Variants in NDUFA12 observed in about 807,000 individuals in gnomAD.
NDUFA12 encodes NADH:ubiquinone oxidoreductase subunit A12.
A neutral mutation model predicts 20.3 loss-of-function variants in NDUFA12; 17 were observed. The ratio of observed to expected loss-of-function variants is 0.84; its 90% CI spans 0.57 to 1.26. The LOEUF (loss-of-function observed/expected upper bound fraction) is 1.26, where lower values mean the gene tolerates loss of function less well. NDUFA12 is among the 50% of genes most tolerant of loss of function. The pLI, the probability that NDUFA12 is intolerant of heterozygous loss-of-function variation, is 0.00. For missense variants in NDUFA12, 191 were observed against 183.7 expected (o/e 1.04, Z -0.23); for synonymous variants, 72 against 63.6 (o/e 1.13, Z -0.63).
In NDUFA12 at chr12:94,975,532, G is replaced by A. The variant is rs939083377; in HGVS notation, c.258-3912C>T. ...TAAATTGGTATAGCCCTTCTAGAGG[G>A]CAATTTGGCAGCAGGTATCAAAAAC... On this transcript the variant is annotated intron_variant, in intron 3 of 3. Coordinates refer to ENST00000327772, the MANE Select transcript of NDUFA12 (RefSeq NM_018838.5). 5.9e-5 allele frequency among the ~76,000 whole-genome samples: 9 copies of A among 152,232 alleles called. No individual in the cohort carries two copies. In the South Asian group the frequency reaches 6.2e-4, roughly 11 times the overall value.
At chr12:94,991,640 T>C (rs567471665) in intron 3 of NDUFA12, among the ~76,000 whole-genome samples, 2 of 150,260 alleles carry the variant, frequency 1.3e-5, no homozygotes, top group Non-Finnish European at 3.0e-5. Context: ...GGCGGGAGAA[T>C]TGCTTGAACC....
chr12:94,989,006 A>C (rs1874545106), intron 3 of NDUFA12, among the ~76,000 whole-genome samples: 1 of 152,218 alleles, frequency 6.6e-6, no homozygotes. Flanking sequence ...CAAACTGGCC[A>C]TACTGCTGTT....
Position 94,994,154 on chromosome 12 carries a change from T to C in NDUFA12, c.257+16A>G, listed in dbSNP as rs751657986. ...AGAAAAAAAAGAAAGACAAATAAAA[T>C]GTTGTCTTAGCTTACCATTCAGGAG... On this transcript the variant is annotated intron_variant, in intron 3 of 3. Coordinates refer to ENST00000327772, the MANE Select transcript of NDUFA12 (RefSeq NM_018838.5). 1.2e-6 allele frequency: 2 copies of C among 1,607,036 alleles called. No homozygotes were observed. Among genetic ancestry groups the C allele is most frequent in the Non-Finnish European group, 1.7e-6 (2 of 1,173,806 alleles).
At chr12:94,993,490 T>C (rs1226687611) in intron 3 of NDUFA12, among the ~76,000 whole-genome samples, 1 of 148,968 alleles carries the variant, frequency 6.7e-6, no homozygotes, top group Non-Finnish European at 1.5e-5. Context: ...CCAGGCGTGG[T>C]AGCATGAGCC....
chr12:94,980,293 C>T (rs140339521), intron 3 of NDUFA12, among the ~76,000 whole-genome samples: 79 of 152,250 alleles, frequency 5.2e-4, no homozygotes, highest in African/African-American at 1.7e-3. Flanking sequence ...CCTACCAACC[C>T]GCCCTTCTAC....
At chr12:94,985,231 G>A (rs1874386112) in intron 3 of NDUFA12, among the ~76,000 whole-genome samples, 1 of 151,630 alleles carries the variant, frequency 6.6e-6, no homozygotes, top group South Asian at 2.1e-4. Flanking sequence ...AGGCTGAGGT[G>A]GAAGGATTGC....
At chr12:94,973,711 G>T (rs2136057390) in intron 3 of NDUFA12, among the ~76,000 whole-genome samples, 1 of 152,154 alleles carries the variant, frequency 6.6e-6, no homozygotes, top group East Asian at 1.9e-4. Flanking sequence ...AAAAGGAAAA[G>T]ATAATTTTTA....
At position 94,979,693 on chromosome 12, in the gene NDUFA12, G is replaced by T. The variant is rs11107834; in HGVS notation, c.258-8073C>A. Among the ~76,000 whole-genome samples the T allele has an allele frequency of 3.6e-3, 542 of 152,034 alleles. 11 individuals are homozygous for T. In the East Asian group the frequency reaches 0.068, roughly 19 times the overall value. Reference sequence around the variant, plus strand: ...AAAAAAAAAAATACAAAAATTAGCTGGGTGTGGTCATGGGACCTGTAATCC... The same window carrying T: ...AAAAAAAAAAATACAAAAATTAGCTTGGTGTGGTCATGGGACCTGTAATCC... On this transcript the variant is annotated intron_variant, in intron 3 of 3. Coordinates refer to ENST00000327772, the MANE Select transcript of NDUFA12 (RefSeq NM_018838.5).
At chr12:94,985,947 T>TA (rs1874421688) in intron 3 of NDUFA12, among the ~76,000 whole-genome samples, 1 of 151,932 alleles carries the variant, frequency 6.6e-6, no homozygotes, top group African/African-American at 2.4e-5. Flanking sequence ...TAGCTGGGCA[T>TA]GGTGGTGTGC....
At chr12:94,996,718 C>G (rs1250873892) in intron 2 of NDUFA12, among the ~76,000 whole-genome samples, 1 of 151,346 alleles carries the variant, frequency 6.6e-6, no homozygotes, top group Non-Finnish European at 1.5e-5. Flanking sequence ...ACTCAGGAGG[C>G]TGAGGCAGGA....
intron 3 of NDUFA12, among the ~76,000 whole-genome samples, chr12:94,985,517 C>G (rs1045828010): frequency 6.6e-6 from 1 of 150,522 alleles, no homozygotes. Flanking sequence ...GTCCCAGCTA[C>G]TCAGGAGGCT....
At position 94,991,370 on chromosome 12, in the gene NDUFA12, G is replaced by C. The variant is rs150768041; in HGVS notation, c.257+2800C>G. On this transcript the variant is annotated intron_variant, in intron 3 of 3. Coordinates refer to ENST00000327772, the MANE Select transcript of NDUFA12 (RefSeq NM_018838.5). Reference sequence around the variant, plus strand: ...GCAGATAAAGAACACTTCCGTCATTGTGAAAAGTTCTGCTAGATAATGCTG... The same window carrying C: ...GCAGATAAAGAACACTTCCGTCATTCTGAAAAGTTCTGCTAGATAATGCTG... 1.1e-3 allele frequency among the ~76,000 whole-genome samples: 172 copies of C among 152,158 alleles called. 3 individuals carry two copies. The East Asian group carries it at 0.031, about 27-fold the overall frequency.
chr12:95,002,688 T>C (rs2136074853), intron 2 of NDUFA12, 51 bp downstream of exon 2: 6 of 1,372,734 alleles, frequency 4.4e-6, no homozygotes, highest in Non-Finnish European at 6.2e-6. Flanking sequence ...TAGACTCAAA[T>C]CAAATCCCAA....
At chr12:95,002,249 G>A (rs1055082818) in intron 2 of NDUFA12, among the ~76,000 whole-genome samples, 1 of 150,782 alleles carries the variant, frequency 6.6e-6, no homozygotes, top group African/African-American at 2.4e-5. Flanking sequence ...AGACCAGCCT[G>A]GCCAATATGG....
intron 3 of NDUFA12, among the ~76,000 whole-genome samples, chr12:94,978,395 G>A (rs1228224071): frequency 6.6e-6 from 1 of 152,188 alleles, no homozygotes; most frequent in Non-Finnish European, 1.5e-5. Context: ...ACGAAAGCAG[G>A]ATGAACTTGC....
chr12:94,999,114 T>C (rs1252531053), intron 2 of NDUFA12, among the ~76,000 whole-genome samples: 2 of 152,186 alleles, frequency 1.3e-5, no homozygotes, highest in South Asian at 2.1e-4. Flanking sequence ...CAAAACACTA[T>C]GCTACCGGTA....
At chr12:94,973,728 T>C (rs1471887636) in intron 3 of NDUFA12, among the ~76,000 whole-genome samples, 2 of 152,032 alleles carry the variant, frequency 1.3e-5, no homozygotes, top group Admixed American at 1.3e-4. Context: ...TTTATCACAA[T>C]ACACAAAATC....
intron 3 of NDUFA12, among the ~76,000 whole-genome samples, chr12:94,978,209 T>C (rs941241897): frequency 6.6e-6 from 1 of 152,200 alleles, no homozygotes; most frequent in Non-Finnish European, 1.5e-5. Context: ...ATGTGTCTGA[T>C]TTACATTTAA....
At chr12:94,983,320 C>T (rs1874303804) in intron 3 of NDUFA12, among the ~76,000 whole-genome samples, 1 of 152,144 alleles carries the variant, frequency 6.6e-6, no homozygotes, top group Non-Finnish European at 1.5e-5. Context: ...GATTGACTTG[C>T]TTCTAATAAA....
Sources: gnomAD v4.1 joint callset for allele counts (sites outside exome capture counted in the v4.1 genomes callset) on GRCh38, gnomAD v4.1.1 for gene constraint, MANE v1.5 for transcripts, NCBI Gene and HGNC (gene_info 2026-07-23, HGNC 2026-07-21) for gene names.